The following DCDC1 variants were observed in gnomAD, a reference collection of about 807,000 sequenced individuals.
The protein encoded by DCDC1 is doublecortin domain containing 1.
DCDC1 carries 200 observed loss-of-function variants against 178.3 expected under a neutral mutation model. The observed-to-expected ratio is 1.12, with a 90% CI of 1.00 to 1.26. The LOEUF (loss-of-function observed/expected upper bound fraction) is 1.26, where lower values mean the gene tolerates loss of function less well. DCDC1 is among the 50% of genes most tolerant of loss of function. The pLI, the probability that DCDC1 is intolerant of heterozygous loss-of-function variation, is 0.00. For synonymous variants in DCDC1, 690 were observed against 604.8 expected, an observed-to-expected ratio of 1.14 and a Z score of -2.07; for missense variants, 1,983 against 1,749.2, an observed-to-expected ratio of 1.13 and a Z score of -2.38.
chr11:30,909,162 G>T (rs187576372), intron 28 of DCDC1, 46 bp from the exon 29 acceptor site: 389 of 1,500,388 alleles, frequency 2.6e-4, no homozygotes, highest in Admixed American at 5.4e-4. Context: ...TCATGTGAGG[G>T]TTATAGTGTC....
At chr11:31,039,719 G>A (rs1049428328) in intron 20 of DCDC1, among the ~76,000 whole-genome samples, 1 of 152,058 alleles carries the variant, frequency 6.6e-6, no homozygotes, top group Non-Finnish European at 1.5e-5. Flanking sequence ...CAAGGATAAT[G>A]GGTATTATGC....
chr11:30,937,720 C>T (rs1157647109), intron 21 of DCDC1, among the ~76,000 whole-genome samples: 1 of 152,122 alleles, frequency 6.6e-6, no homozygotes, highest in Non-Finnish European at 1.5e-5. Context: ...TTCATTCCAT[C>T]CATCAATCTT....
chr11:30,959,958 C>T (rs188277109), intron 20 of DCDC1, among the ~76,000 whole-genome samples: 412 of 152,178 alleles, frequency 2.7e-3, no homozygotes, highest in Non-Finnish European at 4.7e-3. Context: ...CCTGGGATTG[C>T]CCTTCCTAAT....
intron 25 of DCDC1, among the ~76,000 whole-genome samples, chr11:30,918,030 C>T (rs1028590293): frequency 4.0e-5 from 6 of 150,328 alleles, no homozygotes; most frequent in Admixed American, 6.7e-5. Context: ...TGAAGGCAAA[C>T]CTCTCCCTTT....
intron 1 of DCDC1, among the ~76,000 whole-genome samples, chr11:31,344,089 G>A (rs1950690281): frequency 6.6e-6 from 1 of 152,094 alleles, no homozygotes; most frequent in Non-Finnish European, 1.5e-5. Context: ...ATATTCACAG[G>A]CTAAGTAGAA....
chr11:31,083,582 T>A (rs1006734199), intron 17 of DCDC1, among the ~76,000 whole-genome samples: 1 of 152,184 alleles, frequency 6.6e-6, no homozygotes, highest in Admixed American at 6.5e-5. Context: ...ATGGGTGTCA[T>A]GACAGAATTC....
chr11:31,188,877 T>C (rs1969813260), intron 9 of DCDC1, among the ~76,000 whole-genome samples: 1 of 152,182 alleles, frequency 6.6e-6, no homozygotes, highest in Non-Finnish European at 1.5e-5. Context: ...AATAGTATTA[T>C]GAAGTGAGGC....
chr11:30,894,870 C>T (rs1174517032), intron 34 of DCDC1, among the ~76,000 whole-genome samples: 1 of 151,838 alleles, frequency 6.6e-6, no homozygotes, highest in Non-Finnish European at 1.5e-5. Context: ...CTAATAATAC[C>T]CTGCGAGCAC....
At chr11:31,012,175 C>G (rs190389069) in intron 20 of DCDC1, among the ~76,000 whole-genome samples, 1 of 152,188 alleles carries the variant, frequency 6.6e-6, no homozygotes, top group Admixed American at 6.5e-5. Flanking sequence ...CCTGCAGAAC[C>G]GTAAGCGAAT....
intron 9 of DCDC1, among the ~76,000 whole-genome samples, chr11:31,199,719 G>A (rs1475523781): frequency 1.3e-5 from 2 of 152,014 alleles, no homozygotes; most frequent in East Asian, 1.9e-4. Flanking sequence ...AATTCCTAGT[G>A]TACAAGTGAT....
chr11:31,304,775 A>G (rs561561681), intron 6 of DCDC1, among the ~76,000 whole-genome samples: 1 of 152,150 alleles, frequency 6.6e-6, no homozygotes, highest in Non-Finnish European at 1.5e-5. Flanking sequence ...AATAAAGTAT[A>G]AAAAGCATAG....
intron 20 of DCDC1, among the ~76,000 whole-genome samples, chr11:31,049,741 G>A (rs1955112810): frequency 6.6e-6 from 1 of 152,204 alleles, no homozygotes; most frequent in African/African-American, 2.4e-5. Context: ...ACCTTCAGTG[G>A]AGAAGCTGAA....
At chr11:31,309,493 G>T (rs977453609) in intron 3 of DCDC1, among the ~76,000 whole-genome samples, 1 of 152,186 alleles carries the variant, frequency 6.6e-6, no homozygotes, top group African/African-American at 2.4e-5. Context: ...TGTTTCTGCA[G>T]CAATAGCAAT....
At chr11:31,131,188 CAAA>C (rs565349028) in intron 10 of DCDC1, among the ~76,000 whole-genome samples, 2 of 21,556 alleles carry the variant, frequency 9.3e-5, no homozygotes, top group Non-Finnish European at 2.5e-4. Flanking sequence ...GACTCCGTCT[CAAA>C]AAAAAAAAAA....
intron 22 of DCDC1, among the ~76,000 whole-genome samples, chr11:30,926,059 C>T (rs1362806835): frequency 6.6e-6 from 1 of 152,108 alleles, no homozygotes; most frequent in East Asian, 1.9e-4. Context: ...TGAGGAGCTC[C>T]GAGTCTGGTC....
At chr11:31,117,380 GAA>G (rs5790850) in intron 11 of DCDC1, among the ~76,000 whole-genome samples, 1 of 145,390 alleles carries the variant, frequency 6.9e-6, no homozygotes, top group African/African-American at 2.6e-5. Context: ...TTGATTTCAG[GAA>G]AAAAAAAAAA....
rs760942016 is a variant in DCDC1, at chr11:31,313,253, A to G, written c.165-5345T>C. Among the ~76,000 whole-genome samples, 17 of 152,212 alleles carry G rather than the reference A, an allele frequency of 1.1e-4. 1 individual carries two copies. Among genetic ancestry groups the G allele is most frequent in the East Asian group, 1.9e-4 (1 of 5,180 alleles). ...TACACATTTGCTTAACTTTATTTTT[A>G]CTGGTTATGCTAGCCATTACAATAT... On this transcript the variant is annotated intron_variant, in intron 3 of 38. Transcript: ENST00000684477.
At chr11:30,888,923 A>T (rs1373056432) in intron 36 of DCDC1, among the ~76,000 whole-genome samples, 1 of 152,172 alleles carries the variant, frequency 6.6e-6, no homozygotes, top group African/African-American at 2.4e-5. Flanking sequence ...GTTTTCATAG[A>T]CCAGGTCTCC....
At chr11:31,142,835 G>A (rs190172973) in intron 9 of DCDC1, among the ~76,000 whole-genome samples, 137 of 152,006 alleles carry the variant, frequency 9.0e-4, no homozygotes, top group African/African-American at 3.2e-3. Context: ...TTTAATAAAT[G>A]GTCTTTTTTT....
Sources: gnomAD v4.1 joint callset for allele counts (sites outside exome capture counted in the v4.1 genomes callset) on GRCh38, gnomAD v4.1.1 for gene constraint, MANE v1.5 for transcripts, NCBI Gene and HGNC (gene_info 2026-07-23, HGNC 2026-07-21) for gene names.